ITGB1: variants seen among roughly 807,000 people sequenced by gnomAD.
ITGB1 encodes the protein integrin beta-1.
In ITGB1, 24 loss-of-function variants were observed where a neutral mutation model predicts 86.5. That is an observed-to-expected ratio of 0.28 (90% confidence interval 0.20 to 0.39). The LOEUF (loss-of-function observed/expected upper bound fraction) is 0.39, where lower values mean the gene tolerates loss of function less well. Ranked by LOEUF, ITGB1 falls within the 10% of genes least tolerant of loss-of-function variation. The pLI, the probability that ITGB1 is intolerant of heterozygous loss-of-function variation, is 1.00. For synonymous variants in ITGB1, 323 were observed against 316.8 expected (o/e 1.02, Z -0.21); for missense variants, 556 against 946.9 (o/e 0.59, Z 5.42).
At chr10:32,956,065 T>C (rs1009900246) in intron 1 of ITGB1, among the ~76,000 whole-genome samples, 2 of 152,222 alleles carry the variant, frequency 1.3e-5, no homozygotes, top group African/African-American at 2.4e-5. Flanking sequence ...TCATACTCAA[T>C]TTTGGGATAA....
Position 32,918,466 on chromosome 10 carries a change from T to C in ITGB1, c.1469+1419A>G, listed in dbSNP as rs76132711. 5.7e-3 allele frequency among the ~76,000 whole-genome samples: 870 copies of C among 152,190 alleles called. 13 individuals carry two copies. Among genetic ancestry groups the C allele is most frequent in the African/African-American group, 0.02 (829 of 41,516 alleles). On this transcript the variant is annotated intron_variant, in intron 11 of 15. Transcript: ENST00000302278. ...GCTCCTAATCTGTTAGGTGGGAGTGTCCATGCCACAAGTCACAGTCGTGTA... is the reference window on the plus strand; with the variant it reads ...GCTCCTAATCTGTTAGGTGGGAGTGCCCATGCCACAAGTCACAGTCGTGTA...
intron 7 of ITGB1, 130 bp from the exon 8 acceptor site, chr10:32,922,865 A>G (rs2094954404): frequency 5.2e-6 from 3 of 574,924 alleles, no homozygotes; most frequent in Admixed American, 3.5e-5. Context: ...ACTAGATTAC[A>G]TATATAATCC....
intron 15 of ITGB1, chr10:32,907,181 A>T (rs751107875): frequency 2.8e-6 from 2 of 705,878 alleles, no homozygotes; most frequent in Non-Finnish European, 4.1e-6. Flanking sequence ...ATTTCATCAG[A>T]AAAAAAAAAT....
At chr10:32,945,929 A>C (rs1379119901) in intron 1 of ITGB1, among the ~76,000 whole-genome samples, 2 of 152,256 alleles carry the variant, frequency 1.3e-5, no homozygotes, top group African/African-American at 2.4e-5. Context: ...ATTAACATAC[A>C]GAAAAATATT....
At chr10:32,938,674 C>G (rs1173006678) in intron 1 of ITGB1, among the ~76,000 whole-genome samples, 1 of 152,218 alleles carries the variant, frequency 6.6e-6, no homozygotes, top group Non-Finnish European at 1.5e-5. Flanking sequence ...AGGCCAGCAG[C>G]TGGAAACAGT....
chr10:32,907,555 T>G (rs1208947152), intron 15 of ITGB1, among the ~76,000 whole-genome samples: 1 of 151,730 alleles, frequency 6.6e-6, no homozygotes, highest in Admixed American at 6.6e-5. Flanking sequence ...GTTCTGTGAG[T>G]TTTCAAATAC....
intron 1 of ITGB1, among the ~76,000 whole-genome samples, chr10:32,953,084 T>A (rs1173922234): frequency 6.6e-6 from 1 of 152,194 alleles, no homozygotes; most frequent in Non-Finnish European, 1.5e-5. Context: ...TAGATTGGAT[T>A]CTTCCCATGC....
intron 11 of ITGB1, among the ~76,000 whole-genome samples, chr10:32,917,626 A>G (rs2094936072): frequency 6.6e-6 from 1 of 152,248 alleles, no homozygotes; most frequent in South Asian, 2.1e-4. Context: ...AGAAATGCAA[A>G]TCAAAACCAC....
At chr10:32,913,339 G>T (rs2094919846) in intron 11 of ITGB1, among the ~76,000 whole-genome samples, 1 of 152,204 alleles carries the variant, frequency 6.6e-6, no homozygotes, top group African/African-American at 2.4e-5. Flanking sequence ...AGAGAAGAAG[G>T]CTTCAGATAA....
chr10:32,944,437 G>T, intron 1 of ITGB1: 1 of 328,342 alleles, frequency 3.0e-6, no homozygotes, highest in Non-Finnish European at 5.9e-6. Flanking sequence ...TGGGGGCCCT[G>T]GGCTAGGCAA....
intron 7 of ITGB1, 111 bp from the exon 8 acceptor site, chr10:32,922,846 C>T (rs922695129): frequency 1.2e-5 from 7 of 599,152 alleles, no homozygotes; most frequent in African/African-American, 1.9e-5. Flanking sequence ...TACAAGACTG[C>T]TTTAGATAAC....
At chr10:32,924,382 AT>A in intron 6 of ITGB1, among the ~76,000 whole-genome samples, 1 of 152,326 alleles carries the variant, frequency 6.6e-6, no homozygotes, top group Non-Finnish European at 1.5e-5. Flanking sequence ...CACTATGGTA[AT>A]TTATAATTAT....
chr10:32,912,084 T>C lies in ITGB1; in HGVS notation c.1510A>G (p.Thr504Ala), dbSNP rs2094915171. The C allele has an allele frequency of 6.2e-7, 1 of 1,614,070 alleles. No homozygotes were observed. Among genetic ancestry groups the C allele is most frequent in the African/African-American group, 1.3e-5 (1 of 74,952 alleles). Reference sequence around the variant, plus strand: ...ATGTCTTCACTGTTAACTTCATCTGTGCTGCATTCACAATGTCTACCAACA... The same window carrying C: ...ATGTCTTCACTGTTAACTTCATCTGCGCTGCATTCACAATGTCTACCAACA... Reference protein sequence around the residue: ...GRVGRHCECSTDEVNSEDMDA... With the variant: ...GRVGRHCECSADEVNSEDMDA... Residue 504 changes from threonine to alanine, a missense_variant, in exon 12 of 16, where the codon ACA becomes GCA. Physicochemically the swap from Thr to Ala is moderately conservative, Grantham distance 58 (BLOSUM62 0). Coordinates refer to ENST00000302278, the MANE Select transcript of ITGB1 (RefSeq NM_002211.4).
At chr10:32,951,152 A>G (rs2095041870) in intron 1 of ITGB1, among the ~76,000 whole-genome samples, 1 of 152,218 alleles carries the variant, frequency 6.6e-6, no homozygotes, top group Non-Finnish European at 1.5e-5. Flanking sequence ...GAGAAAATCT[A>G]GATCTCATTC....
At chr10:32,907,363 T>A (rs3824601) in intron 15 of ITGB1, among the ~76,000 whole-genome samples, 51 of 152,132 alleles carry the variant, frequency 3.4e-4, no homozygotes, top group Non-Finnish European at 6.9e-4. Context: ...CATTGCTTTC[T>A]TGTATCAAAA....
chr10:32,907,123 C>T, intron 15 of ITGB1: 1 of 1,340,930 alleles, frequency 7.5e-7, no homozygotes, highest in Non-Finnish European at 1.0e-6. Flanking sequence ...TAATAGGACT[C>T]TTGTAAATCG....
intron 5 of ITGB1, 112 bp from the exon 6 acceptor site, chr10:32,926,221 A>T: frequency 1.3e-6 from 1 of 796,266 alleles, no homozygotes. Flanking sequence ...GTTACTATGG[A>T]CTGAATGTCT....
rs1171881348 is a variant in ITGB1, at chr10:32,927,676, C to A, written c.547+418G>T. The stretch of plus-strand genomic sequence containing the variant: ...GGGGGTGGTGGCAGATGCCTGTAAT[C>A]CCAGCTACTCGGGAGGCTGTGGCAG... On this transcript the variant is annotated intron_variant, in intron 5 of 15. Coordinates refer to ENST00000302278, the MANE Select transcript of ITGB1 (RefSeq NM_002211.4). Among the ~76,000 whole-genome samples, 6 of 152,232 alleles carry A rather than the reference C, an allele frequency of 3.9e-5. No individual in the cohort carries two copies. In the East Asian group the frequency reaches 1.2e-3, roughly 29 times the overall value.
chr10:32,947,988 A>C (rs1340044898), intron 1 of ITGB1, among the ~76,000 whole-genome samples: 1 of 151,158 alleles, frequency 6.6e-6, no homozygotes, highest in Non-Finnish European at 1.5e-5. Flanking sequence ...AATTGAATAA[A>C]GAAGTAACTA....
Sources: gnomAD v4.1 joint callset for allele counts (sites outside exome capture counted in the v4.1 genomes callset) on GRCh38, gnomAD v4.1.1 for gene constraint, MANE v1.5 for transcripts, NCBI Gene and HGNC (gene_info 2026-07-23, HGNC 2026-07-21) for gene names.